The following PCDHGA2 variants were observed in gnomAD, a reference collection of about 807,000 sequenced individuals.
PCDHGA2 encodes protocadherin gamma subfamily A, 2.
In PCDHGA2, 40 loss-of-function variants were observed where a neutral mutation model predicts 59.2. That is an observed-to-expected ratio of 0.68 (90% CI 0.52 to 0.88). The LOEUF is 0.88. PCDHGA2 is among the 40% of genes least tolerant of loss of function. The pLI is 0.00. For synonymous variants in PCDHGA2, 560 were observed against 526.0 expected (o/e 1.06, Z -0.89); for missense variants, 1,226 against 1,204.0 (o/e 1.02, Z -0.27).
intron 1 of PCDHGA2, among the ~76,000 whole-genome samples, chr5:141,460,620 C>G (rs185269852): frequency 5.6e-4 from 85 of 151,856 alleles, no homozygotes; most frequent in African/African-American, 1.9e-3. Context: ...GATAGATAGA[C>G]AGATACAGAT....
At chr5:141,372,615 C>A (rs1244865693) in intron 1 of PCDHGA2, 1 of 1,613,850 alleles carries the variant, frequency 6.2e-7, no homozygotes, top group African/African-American at 1.3e-5. Context: ...TGGAGTTCTC[C>A]CCACCTACAG....
At chr5:141,409,036 C>T in intron 1 of PCDHGA2, 1 of 1,614,020 alleles carries the variant, frequency 6.2e-7, no homozygotes, top group Non-Finnish European at 8.5e-7. Context: ...CTGAGATAAA[C>T]TACTACTTCC....
At chr5:141,365,669 G>C (rs1304025932) in intron 1 of PCDHGA2, 1 of 1,613,344 alleles carries the variant, frequency 6.2e-7, no homozygotes, top group Admixed American at 1.7e-5. Flanking sequence ...AGACGTTAAT[G>C]ACAACCCACC....
At chr5:141,376,059 C>A (rs761483041) in intron 1 of PCDHGA2, 1 of 1,613,280 alleles carries the variant, frequency 6.2e-7, no homozygotes, top group Admixed American at 1.7e-5. Context: ...GCCACTGTCA[C>A]GCTCACCGTG....
Position 141,431,135 on chromosome 5 carries a change from A to C in PCDHGA2, c.2425-63672A>C. ...TGGAGTAGAAGTAGAAGTAAGGGAC[A>C]TTAACGACAATGCGCCTTACTTTCG... On this transcript the variant is annotated intron_variant, in intron 1 of 3. Coordinates refer to ENST00000394576, the MANE Select transcript of PCDHGA2 (RefSeq NM_018915.4). The surrounding 1 kb of genome is among the most constrained non-coding windows in gnomAD (Gnocchi z 4.8). 1 of 1,614,266 alleles carries C rather than the reference A, an allele frequency of 6.2e-7. No homozygotes were observed. Among genetic ancestry groups the C allele is most frequent in the Non-Finnish European group, 8.5e-7 (1 of 1,180,042 alleles).
chr5:141,390,016 T>G (rs768656280), intron 1 of PCDHGA2: 2 of 1,613,978 alleles, frequency 1.2e-6, no homozygotes, highest in East Asian at 4.5e-5. Context: ...GCCATTGCCT[T>G]GCGCCTGCGA....
rs1223986597 is a variant in PCDHGA2, at chr5:141,417,300, A to G, written c.2424+75905A>G. The G allele has an allele frequency of 2.0e-5, 3 of 152,440 alleles. No homozygotes were observed. In the East Asian group the frequency reaches 5.8e-4, roughly 29 times the overall value. The allele number at this position is 152,440 out of a possible 1,614,324, so 9.4% of individuals were successfully genotyped here. ...AAGGAACAAGAATGACTGCCTCTGG[A>G]TGGAGGAATTGGATAGCAATGGGCC... On this transcript the variant is annotated intron_variant, in intron 1 of 3. Coordinates refer to ENST00000394576, the MANE Select transcript of PCDHGA2 (RefSeq NM_018915.4).
rs1451071413 is a variant in PCDHGA2, at chr5:141,415,742, T to G, written c.2424+74347T>G. 19 of 216,608 alleles carry G rather than the reference T, an allele frequency of 8.8e-5. 1 individual carries two copies. In the Admixed American group the frequency reaches 4.5e-3, roughly 51 times the overall value. 13.4% of individuals were successfully genotyped at this position (216,608 alleles called of 1,614,324 possible). ...AGTAGAATTTGATGTTTATTAAGGT[T>G]TTTTTTTTTTTTTTTTTTTTTTTTT... On this transcript the variant is annotated intron_variant, in intron 1 of 3. Transcript: ENST00000394576.
intron 2 of PCDHGA2, among the ~76,000 whole-genome samples, chr5:141,502,866 C>CTTTTTT (rs549047197): frequency 2.0e-4 from 26 of 128,026 alleles, no homozygotes; most frequent in African/African-American, 6.2e-4. Flanking sequence ...GACTCTCTGT[C>CTTTTTT]TTTTTTTTTT....
intron 1 of PCDHGA2, among the ~76,000 whole-genome samples, chr5:141,466,021 G>A (rs2099115061): frequency 6.6e-6 from 1 of 151,934 alleles, no homozygotes; most frequent in Admixed American, 6.6e-5. Flanking sequence ...ACTCGGGAGG[G>A]TGAGGCAGGA....
At position 141,432,370 on chromosome 5, in the gene PCDHGA2, C is replaced by A. The variant is rs1362496624; in HGVS notation, c.2425-62437C>A. On this transcript the variant is annotated intron_variant, in intron 1 of 3. Transcript: ENST00000394576. The surrounding 1 kb of genome is among the most constrained non-coding windows in gnomAD (Gnocchi z 6.0). Reference sequence around the variant, plus strand: ...AAGTGAAAGTGATGGCGCGGGACAACGGGCACCCGCCCCTCAGCAGCAACG... The same window carrying A: ...AAGTGAAAGTGATGGCGCGGGACAAAGGGCACCCGCCCCTCAGCAGCAACG... The A allele has an allele frequency of 6.2e-7, 1 of 1,614,240 alleles. No homozygotes were observed. The highest frequency in any genetic ancestry group is 8.5e-7 in the Non-Finnish European group (1 of 1,180,048).
At chr5:141,412,434 A>C (rs2095556498) in intron 1 of PCDHGA2, 1 of 152,240 alleles carries the variant, frequency 6.6e-6, no homozygotes, top group Admixed American at 6.5e-5. Flanking sequence ...CAAAAAGGTT[A>C]ATTAAGGCTC....
At chr5:141,372,288 T>A in intron 1 of PCDHGA2, 1 of 1,613,284 alleles carries the variant, frequency 6.2e-7, no homozygotes, top group East Asian at 2.2e-5. Context: ...GGCGCGTACC[T>A]TGGGCGACAG....
intron 1 of PCDHGA2, among the ~76,000 whole-genome samples, chr5:141,467,395 G>A (rs1197131223): frequency 6.6e-6 from 1 of 152,056 alleles, no homozygotes; most frequent in African/African-American, 2.4e-5. Flanking sequence ...TTAAGTCATA[G>A]TTAGAAAGCC....
chr5:141,499,888 A>G (rs574246186), intron 2 of PCDHGA2, among the ~76,000 whole-genome samples: 105 of 152,174 alleles, frequency 6.9e-4, no homozygotes, highest in African/African-American at 2.4e-3. Flanking sequence ...GGGTTTCGCC[A>G]TGTTGGCCAG....
At chr5:141,359,896 A>G in intron 1 of PCDHGA2, 1 of 397,074 alleles carries the variant, frequency 2.5e-6, no homozygotes, top group Non-Finnish European at 4.4e-6. Flanking sequence ...GCAAATATTG[A>G]CAAGCCATTA....
chr5:141,439,830 C>T (rs2098134193), intron 1 of PCDHGA2: 1 of 152,352 alleles, frequency 6.6e-6, no homozygotes, highest in South Asian at 2.1e-4. Context: ...GCTGGAGCAG[C>T]AGCAACTCTA....
In PCDHGA2 at chr5:141,511,345, TCC is replaced by T; in HGVS notation, c.*178_*179del. 1 of 1,410,484 alleles carries T rather than the reference TCC, an allele frequency of 7.1e-7. No homozygotes were observed. The highest frequency in any genetic ancestry group is 9.4e-7 in the Non-Finnish European group (1 of 1,060,658). The allele number at this position is 1,410,484 out of a possible 1,614,324, so 87.4% of individuals were successfully genotyped here. On this transcript the variant is annotated 3_prime_UTR_variant, in exon 4 of 4. Coordinates refer to ENST00000394576, the MANE Select transcript of PCDHGA2 (RefSeq NM_018915.4). ...AAGTGCCCAGTCAGCACCTACCCCT[TCC>T]CCCCCAGGGGGTTGAATATGCAAAA... is the stretch of plus-strand genomic sequence containing the variant.
rs1445450316 is a variant in PCDHGA2, at chr5:141,491,210, C to T, written c.2425-3597C>T. On this transcript the variant is annotated intron_variant, in intron 1 of 3. Coordinates refer to ENST00000394576, the MANE Select transcript of PCDHGA2 (RefSeq NM_018915.4). The surrounding 1 kb of genome is among the most constrained non-coding windows in gnomAD (Gnocchi z 6.9). ...AGGGACAATGGTGACCCTTCACTCT[C>T]CTCCACAGCCACAGTGCTGCTGGTT... The T allele has an allele frequency of 3.7e-6, 6 of 1,614,228 alleles. No homozygotes were observed. Among genetic ancestry groups the T allele is most frequent in the Non-Finnish European group, 3.4e-6 (4 of 1,180,032 alleles).
Sources: gnomAD v4.1 joint callset for allele counts (sites outside exome capture counted in the v4.1 genomes callset) on GRCh38, gnomAD v4.1.1 for gene constraint, Gnocchi (gnomAD v3.1) non-coding constraint, MANE v1.5 for transcripts, NCBI Gene and HGNC (gene_info 2026-07-23, HGNC 2026-07-21) for gene names.